NRXN3: variants seen among roughly 807,000 people sequenced by gnomAD.
The protein encoded by NRXN3 is neurexin III.
NRXN3 carries 32 observed loss-of-function variants against 137.6 expected under a neutral mutation model. The ratio of observed to expected loss-of-function variants is 0.23; its 90% CI spans 0.18 to 0.31. The LOEUF (loss-of-function observed/expected upper bound fraction) is 0.31, where lower values mean the gene tolerates loss of function less well. Among genes scored for constraint, NRXN3 ranks in the 10% least tolerant of loss-of-function variants. The pLI is 1.00. For missense variants in NRXN3, 1,574 were observed against 2,062.5 expected, an observed-to-expected ratio of 0.76 and a Z score of 4.59; for synonymous variants, 798 against 784.5, an observed-to-expected ratio of 1.02 and a Z score of -0.29.
At chr14:78,443,693 C>A (rs1056985443) in intron 4 of NRXN3, among the ~76,000 whole-genome samples, 3 of 152,138 alleles carry the variant, frequency 2.0e-5, no homozygotes, top group African/African-American at 7.2e-5. Context: ...TTAACCTTGA[C>A]AATCCACACT....
chr14:78,274,459 C>T (rs573114308), intron 2 of NRXN3, among the ~76,000 whole-genome samples: 1 of 152,232 alleles, frequency 6.6e-6, no homozygotes, highest in African/African-American at 2.4e-5. Flanking sequence ...TGTAACTGCC[C>T]CCATGATTAA....
chr14:78,985,021 AT>A (rs1567900564), intron 14 of NRXN3, among the ~76,000 whole-genome samples: 1 of 152,244 alleles, frequency 6.6e-6, no homozygotes, highest in East Asian at 1.9e-4. Flanking sequence ...CTGATTCTAC[AT>A]GGCCTTTGCC....
chr14:78,744,924 C>A (rs1338781609), intron 8 of NRXN3: 2 of 152,202 alleles, frequency 1.3e-5, no homozygotes, highest in East Asian at 3.9e-4. Flanking sequence ...GCCTGGACAG[C>A]AACCTTGCAG....
At chr14:79,053,057 TAAA>T (rs1316587797) in intron 15 of NRXN3, among the ~76,000 whole-genome samples, 1 of 152,254 alleles carries the variant, frequency 6.6e-6, no homozygotes, top group African/African-American at 2.4e-5. Context: ...TTCATTGATT[TAAA>T]ACTCATCATG....
intron 4 of NRXN3, among the ~76,000 whole-genome samples, chr14:78,396,592 C>G (rs2091481870): frequency 6.6e-6 from 1 of 152,224 alleles, no homozygotes; most frequent in Non-Finnish European, 1.5e-5. Context: ...GACATTTTCA[C>G]AGATAAGAAT....
chr14:79,772,677 G>C (rs1057341586), intron 19 of NRXN3, among the ~76,000 whole-genome samples: 10 of 152,064 alleles, frequency 6.6e-5, no homozygotes, highest in Non-Finnish European at 1.5e-4. Flanking sequence ...AAAAACCCTG[G>C]AAGAAAACCT....
chr14:78,872,259 GTA>G (rs918557899), intron 10 of NRXN3, among the ~76,000 whole-genome samples: 7 of 146,158 alleles, frequency 4.8e-5, no homozygotes, highest in East Asian at 2.0e-4. Flanking sequence ...TATTATATAT[GTA>G]TATATATTTA....
intron 4 of NRXN3, among the ~76,000 whole-genome samples, chr14:78,532,321 CAAAAGAAAAAAA>C (rs2096475911): frequency 7.7e-6 from 1 of 129,982 alleles, no homozygotes; most frequent in Admixed American, 8.1e-5. Flanking sequence ...AACTCCATCT[CAAAAGAAAAAAA>C]AAAAGAAAAG....
At chr14:78,790,168 T>C (rs2098800927) in intron 8 of NRXN3, among the ~76,000 whole-genome samples, 1 of 152,206 alleles carries the variant, frequency 6.6e-6, no homozygotes, top group African/African-American at 2.4e-5. Flanking sequence ...TCTATAAACT[T>C]TTTGGTAAAT....
At chr14:79,471,406 T>G (rs1472217830) in intron 16 of NRXN3, among the ~76,000 whole-genome samples, 1 of 152,208 alleles carries the variant, frequency 6.6e-6, no homozygotes, top group Non-Finnish European at 1.5e-5. Flanking sequence ...TACACATTCA[T>G]CACATCTGCT....
At chr14:78,819,226 GTC>G (rs2098943518) in intron 10 of NRXN3, among the ~76,000 whole-genome samples, 2 of 151,986 alleles carry the variant, frequency 1.3e-5, no homozygotes, top group African/African-American at 2.4e-5. Context: ...CATTTTATGT[GTC>G]TAATTGCTAT....
Position 79,818,049 on chromosome 14 carries a change from T to TG in NRXN3, c.4093+12859_4093+12860insG, listed in dbSNP as rs1365781316. 2.3e-4 allele frequency among the ~76,000 whole-genome samples: 25 copies of TG among 106,812 alleles called. No homozygotes were observed. In the South Asian group the frequency reaches 4.3e-3, roughly 18 times the overall value. 70.1% of individuals were successfully genotyped at this position (106,812 alleles called of 152,430 possible). ...ATGCAATAATATGTGCACTTGGGTT[T>TG]TTTTTTTTTTTTTTTTTTTTTTTTG... On this transcript the variant is annotated intron_variant, in intron 20 of 20. Coordinates refer to ENST00000335750, the MANE Select transcript of NRXN3 (RefSeq NM_001330195.2).
intron 4 of NRXN3, among the ~76,000 whole-genome samples, chr14:78,528,530 G>C (rs1443614938): frequency 6.6e-6 from 1 of 152,132 alleles, no homozygotes; most frequent in Non-Finnish European, 1.5e-5. Flanking sequence ...GTTAAGAGTA[G>C]AGTCAGTAAA....
intron 16 of NRXN3, among the ~76,000 whole-genome samples, chr14:79,654,164 A>T (rs1322649406): frequency 6.6e-6 from 1 of 152,150 alleles, no homozygotes; most frequent in Non-Finnish European, 1.5e-5. Context: ...GTCCGAGGCT[A>T]CCTAGAGAAC....
intron 16 of NRXN3, among the ~76,000 whole-genome samples, chr14:79,617,527 G>C (rs530083248): frequency 6.6e-6 from 1 of 152,238 alleles, no homozygotes; most frequent in South Asian, 2.1e-4. Context: ...TATGTCTTCT[G>C]TAGTCAATGG....
chr14:79,356,149 A>G (rs982203889), intron 15 of NRXN3, among the ~76,000 whole-genome samples: 12 of 152,170 alleles, frequency 7.9e-5, no homozygotes, highest in African/African-American at 2.7e-4. Context: ...GGTGAAATCT[A>G]TTCTTTTTGT....
intron 4 of NRXN3, among the ~76,000 whole-genome samples, chr14:78,456,805 CTTTCTT>C (rs1567644137): frequency 2.7e-3 from 286 of 106,202 alleles, no homozygotes; most frequent in Non-Finnish European, 4.1e-3. Flanking sequence ...TTCTCTCTTT[CTTTCTT>C]TCTTTCTTTC....
intron 15 of NRXN3, among the ~76,000 whole-genome samples, chr14:79,424,894 C>A (rs1489263585): frequency 6.6e-6 from 1 of 151,798 alleles, no homozygotes; most frequent in Non-Finnish European, 1.5e-5. Flanking sequence ...ATTTTTTTTC[C>A]TTGATGATGA....
intron 15 of NRXN3, among the ~76,000 whole-genome samples, chr14:79,051,139 G>A (rs1366950273): frequency 6.6e-6 from 1 of 152,098 alleles, no homozygotes; most frequent in Non-Finnish European, 1.5e-5. Flanking sequence ...AATGTTGAAG[G>A]TTGGTTCTAG....
Sources: gnomAD v4.1 joint callset for allele counts (sites outside exome capture counted in the v4.1 genomes callset) on GRCh38, gnomAD v4.1.1 for gene constraint, MANE v1.5 for transcripts, NCBI Gene and HGNC (gene_info 2026-07-23, HGNC 2026-07-21) for gene names.